PRIMPOL: variants seen among roughly 807,000 people sequenced by gnomAD.
The protein encoded by PRIMPOL is primase and DNA directed polymerase.
PRIMPOL carries 54 observed loss-of-function variants against 63.6 expected under a neutral mutation model. That is an observed-to-expected ratio of 0.85 (90% CI 0.68 to 1.07). PRIMPOL has a LOEUF of 1.07. PRIMPOL is among the 50% of genes least tolerant of loss of function. PRIMPOL has a pLI of 0.00. For synonymous variants in PRIMPOL, 197 were observed against 220.2 expected (o/e 0.89, Z 0.93); for missense variants, 610 against 648.3 (o/e 0.94, Z 0.64).
Position 184,694,878 on chromosome 4 carries a change from T to A in PRIMPOL, c.*99T>A. ...TTCAACCTGTTTATATAAACTAAGT[T>A]TTATTACTTTGCTTTCCAATTTTTG... is the stretch of plus-strand genomic sequence containing the variant. On this transcript the variant is annotated 3_prime_UTR_variant, in exon 14 of 14. Coordinates refer to ENST00000314970, the MANE Select transcript of PRIMPOL (RefSeq NM_152683.4). The A allele has an allele frequency of 9.5e-7, 1 of 1,054,682 alleles. No homozygotes were observed. Among genetic ancestry groups the A allele is most frequent in the East Asian group, 2.5e-5 (1 of 40,112 alleles). 65.3% of individuals were successfully genotyped at this position (1,054,682 alleles called of 1,614,324 possible). A position where few individuals can be genotyped will look rare whatever the true frequency, so the allele number is the denominator to read the frequency against.
intron 5 of PRIMPOL, among the ~76,000 whole-genome samples, chr4:184,664,075 G>T (rs1749135847): frequency 6.6e-6 from 1 of 152,194 alleles, no homozygotes; most frequent in Non-Finnish European, 1.5e-5. Flanking sequence ...GGGCAACATT[G>T]TCCACTCATG....
chr4:184,691,744 C>T (rs1314126501), intron 13 of PRIMPOL, 32 bp downstream of exon 13: 1 of 1,548,802 alleles, frequency 6.5e-7, no homozygotes, highest in South Asian at 1.1e-5. Context: ...TTTCTCCTTA[C>T]CAGGGAGTTC....
intron 13 of PRIMPOL, 33 bp from the exon 14 acceptor site, chr4:184,694,488 TC>T: frequency 6.3e-7 from 1 of 1,595,872 alleles, no homozygotes. Flanking sequence ...TATTTTCCTA[TC>T]CCACTCTCTA....
At chr4:184,694,222 C>T in intron 13 of PRIMPOL, 1 of 1,092,302 alleles carries the variant, frequency 9.2e-7, no homozygotes, top group South Asian at 3.9e-5. Flanking sequence ...GGACTGTCCA[C>T]TTGTTAAAAA....
chr4:184,673,135 CT>C (rs10661169), intron 7 of PRIMPOL, among the ~76,000 whole-genome samples: 3 of 141,938 alleles, frequency 2.1e-5, no homozygotes, highest in African/African-American at 2.6e-5. Flanking sequence ...TTTTCTTTTT[CT>C]TTTTTTTTTT....
At chr4:184,670,545 A>ATTTTTTT (rs57234973) in intron 6 of PRIMPOL, among the ~76,000 whole-genome samples, 27 of 136,682 alleles carry the variant, frequency 2.0e-4, no homozygotes, top group African/African-American at 7.4e-4. Context: ...TAGGAAAGTA[A>ATTTTTTT]TTTTTTTTTT....
chr4:184,678,148 C>G, intron 7 of PRIMPOL, 84 bp from the exon 8 acceptor site: 1 of 730,434 alleles, frequency 1.4e-6, no homozygotes, highest in Non-Finnish European at 2.1e-6. Context: ...TTTATTAATG[C>G]TATATAAAAA....
At chr4:184,674,361 C>T (rs1752727988) in intron 7 of PRIMPOL, among the ~76,000 whole-genome samples, 2 of 152,176 alleles carry the variant, frequency 1.3e-5, no homozygotes, top group South Asian at 4.1e-4. Context: ...ATGAACACCC[C>T]TTGTCACCAC....
intron 2 of PRIMPOL, among the ~76,000 whole-genome samples, chr4:184,655,983 G>A (rs1382553344): frequency 6.6e-6 from 1 of 152,120 alleles, no homozygotes; most frequent in Non-Finnish European, 1.5e-5. Context: ...CTGTGGGTTG[G>A]CTGGGCAGTT....
chr4:184,672,314 T>C lies in PRIMPOL; in HGVS notation c.698T>C (p.Met233Thr), dbSNP rs1486465159. ...PARQGFSFNK[M>T]FTEKATEESW... Reference sequence around the variant, plus strand: ...AGACAAGGATTTTCTTTCAATAAAATGTTCACAGAAAAGGCTACAGAGGAA... The same window carrying C: ...AGACAAGGATTTTCTTTCAATAAAACGTTCACAGAAAAGGCTACAGAGGAA... Residue 233 changes from methionine (M) to threonine (T), a missense_variant, in exon 7 of 14, where the codon ATG becomes ACG. Met to Thr is a moderately conservative substitution (Grantham distance 81, BLOSUM62 -1). Around this residue, in one of 3 missense-constraint regions of PRIMPOL, gnomAD observed 444 missense variants for 456.4 expected, o/e 0.97. Transcript: ENST00000314970. 6 of 1,614,032 alleles carry C rather than the reference T, an allele frequency of 3.7e-6. No individual in the cohort carries two copies. In the African/African-American group the frequency reaches 5.3e-5, roughly 14 times the overall value.
intron 8 of PRIMPOL, 131 bp downstream of exon 8, chr4:184,678,525 CT>C (rs767532493): frequency 0.14 from 46,412 of 336,320 alleles, 39 homozygotes; most frequent in South Asian, 0.18. Flanking sequence ...TCTTACAGCT[CT>C]TTTTTTTTTT....
rs1760069624 is a variant in PRIMPOL at position 184,694,528 on chromosome 4, G to C, written c.1432G>C (p.Glu478Gln). Residue 478 changes from glutamate (E) to glutamine (Q), a missense_variant, in exon 14 of 14, where the codon GAG (glutamate) becomes CAG (glutamine). By Grantham distance (29) the Glu-to-Gln change is conservative (BLOSUM62 2). Around this residue, in one of 3 missense-constraint regions of PRIMPOL, gnomAD observed 444 missense variants for 456.4 expected, o/e 0.97. Coordinates refer to ENST00000314970, the MANE Select transcript of PRIMPOL (RefSeq NM_152683.4). The stretch of plus-strand genomic sequence containing the variant: ...CTTCACCACTGAAATAAAGGAAGAA[G>C]AGTTTACAACAGATGAAGCAGATGA... ...CLLFLFKEEE[E>Q]FTTDEADETR... 1 of 1,609,172 alleles carries C rather than the reference G, an allele frequency of 6.2e-7. No individual in the cohort carries two copies. Among genetic ancestry groups the C allele is most frequent in the Non-Finnish European group, 8.5e-7 (1 of 1,177,352 alleles).
At chr4:184,693,114 T>C (rs151278391) in intron 13 of PRIMPOL, among the ~76,000 whole-genome samples, 16 of 152,300 alleles carry the variant, frequency 1.1e-4, no homozygotes, top group Non-Finnish European at 1.5e-4. Context: ...GAAAACTCAG[T>C]CTTAACACGT....
intron 5 of PRIMPOL, among the ~76,000 whole-genome samples, chr4:184,663,656 C>T (rs553652020): frequency 6.6e-6 from 1 of 152,190 alleles, no homozygotes; most frequent in Admixed American, 6.5e-5. Flanking sequence ...TCTTGAGCAG[C>T]TAATCTTCTG....
intron 7 of PRIMPOL, among the ~76,000 whole-genome samples, chr4:184,675,718 G>A (rs575784825): frequency 5.4e-4 from 82 of 152,286 alleles, no homozygotes; most frequent in Admixed American, 1.8e-3. Context: ...TCAGGAGGCT[G>A]AGACATGAGA....
At chr4:184,680,985 A>G (rs1336919409) in intron 8 of PRIMPOL, among the ~76,000 whole-genome samples, 2 of 152,200 alleles carry the variant, frequency 1.3e-5, no homozygotes, top group Admixed American at 6.5e-5. Flanking sequence ...TCTAGCTCAT[A>G]TGGGAAAAGC....
intron 8 of PRIMPOL, among the ~76,000 whole-genome samples, chr4:184,682,000 T>A (rs1755750225): frequency 6.6e-6 from 1 of 152,234 alleles, no homozygotes. Context: ...TTAAGGATAG[T>A]ATTATAAGTA....
At chr4:184,654,322 AAGTC>A (rs898612505) in intron 2 of PRIMPOL, among the ~76,000 whole-genome samples, 49 of 152,340 alleles carry the variant, frequency 3.2e-4, no homozygotes, top group Middle Eastern at 3.4e-3. Flanking sequence ...TCATGATAGA[AAGTC>A]AGTTTCTCAA....
At chr4:184,662,302 AG>A (rs1560964295) in intron 5 of PRIMPOL, among the ~76,000 whole-genome samples, 2 of 152,254 alleles carry the variant, frequency 1.3e-5, no homozygotes, top group Admixed American at 6.5e-5. Flanking sequence ...AAATAGTATT[AG>A]AATTTTCAAG....
Sources: gnomAD v4.1 joint callset for allele counts (sites outside exome capture counted in the v4.1 genomes callset) on GRCh38, gnomAD v4.1.1 for gene constraint, gnomAD v4.1.1 regional missense constraint, MANE v1.5 for transcripts, NCBI Gene and HGNC (gene_info 2026-07-23, HGNC 2026-07-21) for gene names.